DLG2: variants seen among roughly 807,000 people sequenced by gnomAD.
DLG2 encodes disks large homolog 2.
DLG2 carries 45 observed loss-of-function variants against 132.5 expected under a neutral mutation model. The ratio of observed to expected loss-of-function variants is 0.34; its 90% CI spans 0.27 to 0.44. The LOEUF (loss-of-function observed/expected upper bound fraction) is 0.44. Ranked by LOEUF, DLG2 falls within the 20% of genes least tolerant of loss-of-function variation. The pLI is 1.00. For missense variants in DLG2, 1,045 were observed against 1,196.9 expected, an observed-to-expected ratio of 0.87 and a Z score of 1.87; for synonymous variants, 424 against 419.6, an observed-to-expected ratio of 1.01 and a Z score of -0.13.
chr11:85,177,488 T>A (rs190065683), intron 4 of DLG2, among the ~76,000 whole-genome samples: 3 of 151,900 alleles, frequency 2.0e-5, no homozygotes, highest in Non-Finnish European at 4.4e-5. Flanking sequence ...CATGGACACA[T>A]GCAGGGGAAC....
chr11:84,540,036 T>A (rs2099364377), intron 6 of DLG2, among the ~76,000 whole-genome samples: 1 of 152,076 alleles, frequency 6.6e-6, no homozygotes, highest in Admixed American at 6.5e-5. Flanking sequence ...ATACCAAAAT[T>A]AATTCAAGAT....
At chr11:85,238,890 T>C (rs2075736175) in intron 4 of DLG2, among the ~76,000 whole-genome samples, 1 of 152,026 alleles carries the variant, frequency 6.6e-6, no homozygotes, top group Non-Finnish European at 1.5e-5. Context: ...TGCAGTGGCT[T>C]TGCAACGTCA....
At chr11:84,910,766 AACAAC>A (rs2091983161) in intron 6 of DLG2, among the ~76,000 whole-genome samples, 7 of 36,686 alleles carry the variant, frequency 1.9e-4, no homozygotes, top group African/African-American at 7.1e-4. Flanking sequence ...AAGAAAAAAC[AACAAC>A]AACAACAACA....
chr11:84,559,554 A>C (rs2099419036), intron 6 of DLG2, among the ~76,000 whole-genome samples: 1 of 152,192 alleles, frequency 6.6e-6, no homozygotes, highest in Non-Finnish European at 1.5e-5. Flanking sequence ...GTTATAATAT[A>C]ATAAGCATAT....
intron 3 of DLG2, among the ~76,000 whole-genome samples, chr11:85,358,751 T>G (rs1192702417): frequency 6.6e-6 from 1 of 152,190 alleles, no homozygotes; most frequent in East Asian, 1.9e-4. Flanking sequence ...AGTGTGGCAA[T>G]TAGTAGATAT....
chr11:85,380,400 T>C (rs1001472346), intron 3 of DLG2, among the ~76,000 whole-genome samples: 3 of 152,190 alleles, frequency 2.0e-5, no homozygotes, highest in Non-Finnish European at 4.4e-5. Flanking sequence ...GGCTCATGCC[T>C]GTAATTCCAG....
chr11:84,116,057 A>G (rs1669700133), intron 9 of DLG2, among the ~76,000 whole-genome samples: 1 of 152,096 alleles, frequency 6.6e-6, no homozygotes, highest in African/African-American at 2.4e-5. Flanking sequence ...CATTCCTGCT[A>G]TGAGCTCAAT....
At chr11:85,368,137 T>A (rs923015898) in intron 3 of DLG2, among the ~76,000 whole-genome samples, 13 of 152,234 alleles carry the variant, frequency 8.5e-5, no homozygotes, top group African/African-American at 2.4e-5. Flanking sequence ...TTAAAGTTAA[T>A]TCTTTGACAA....
chr11:83,659,885 AG>A (rs2073793481), intron 18 of DLG2, among the ~76,000 whole-genome samples: 2 of 152,344 alleles, frequency 1.3e-5, no homozygotes, highest in South Asian at 4.1e-4. Flanking sequence ...CAAGTGTTTA[AG>A]GGGTCATGTC....
intron 15 of DLG2, among the ~76,000 whole-genome samples, chr11:83,886,454 C>T (rs2067925783): frequency 1.3e-5 from 2 of 152,152 alleles, no homozygotes; most frequent in South Asian, 4.1e-4. Context: ...AAAGCAAGTC[C>T]TGAGTGACCT....
intron 3 of DLG2, among the ~76,000 whole-genome samples, chr11:85,372,787 A>AG (rs1476479182): frequency 6.6e-6 from 1 of 152,204 alleles, no homozygotes; most frequent in African/African-American, 2.4e-5. Context: ...GCCAGAACTC[A>AG]GGAATACAAG....
chr11:84,564,455 C>A (rs774378578), intron 6 of DLG2, among the ~76,000 whole-genome samples: 1 of 152,104 alleles, frequency 6.6e-6, no homozygotes, highest in African/African-American at 2.4e-5. Context: ...GTACTATTCC[C>A]TTATTGGGTG....
chr11:84,272,232 G>A (rs2097734256), intron 7 of DLG2: 1 of 402,428 alleles, frequency 2.5e-6, no homozygotes, highest in Admixed American at 2.8e-5. Context: ...AAGTTACAGG[G>A]AAAAATATGA....
intron 6 of DLG2, among the ~76,000 whole-genome samples, chr11:84,745,358 A>T (rs1351706081): frequency 6.6e-6 from 1 of 152,110 alleles, no homozygotes. Context: ...ATCTTGTTTA[A>T]AAGTGTATAG....
chr11:85,296,467 C>CTTTTTTTTTTTTTTTTTTTTATTTT (rs66526147), intron 3 of DLG2, among the ~76,000 whole-genome samples: 1 of 121,554 alleles, frequency 8.2e-6, no homozygotes, highest in Non-Finnish European at 1.7e-5. Context: ...TTTCGATTTT[C>CTTTTTTTTTTTTTTTTTTTTATTTT]TTTTTTTTTT....
chr11:85,345,925 T>C (rs1034110125), intron 3 of DLG2, among the ~76,000 whole-genome samples: 1 of 151,974 alleles, frequency 6.6e-6, no homozygotes, highest in Non-Finnish European at 1.5e-5. Flanking sequence ...ATGAGATTCA[T>C]GGTGTTACAG....
At chr11:84,244,074 C>G (rs997915906) in intron 8 of DLG2, among the ~76,000 whole-genome samples, 1 of 152,230 alleles carries the variant, frequency 6.6e-6, no homozygotes, top group African/African-American at 2.4e-5. Context: ...TCTTTATACT[C>G]TTTTGTTACT....
At chr11:85,483,908 AG>A (rs1317775345) in intron 3 of DLG2, among the ~76,000 whole-genome samples, 11 of 151,048 alleles carry the variant, frequency 7.3e-5, no homozygotes, top group Admixed American at 6.6e-4. Flanking sequence ...AAAAAAAAAA[AG>A]AATAATAATA....
intron 3 of DLG2, among the ~76,000 whole-genome samples, chr11:85,533,165 A>G (rs756316243): frequency 1.3e-5 from 2 of 152,142 alleles, no homozygotes; most frequent in Non-Finnish European, 2.9e-5. Context: ...CTGGGATTAC[A>G]GGATTACATC....
Sources: gnomAD v4.1 joint callset for allele counts (sites outside exome capture counted in the v4.1 genomes callset) on GRCh38, gnomAD v4.1.1 for gene constraint, MANE v1.5 for transcripts, NCBI Gene and HGNC (gene_info 2026-07-23, HGNC 2026-07-21) for gene names.